The following RHEB variants were observed in gnomAD, a reference collection of about 807,000 sequenced individuals.
The protein encoded by RHEB is Ras homolog, mTORC1 binding, also known as GTP-binding protein Rheb.
A neutral mutation model predicts 28.8 loss-of-function variants in RHEB; 2 were observed. The ratio of observed to expected loss-of-function variants is 0.07; its 90% CI spans 0.03 to 0.22. The LOEUF is 0.22. Ranked by LOEUF, RHEB falls within the 10% of genes least tolerant of loss-of-function variation. The pLI, the probability that RHEB is intolerant of heterozygous loss-of-function variation, is 1.00. For synonymous variants in RHEB, 69 were observed against 77.3 expected (o/e 0.89, Z 0.56); for missense variants, 76 against 219.9 (o/e 0.35, Z 4.14).
At chr7:151,473,182 C>T (rs1802194752) in intron 4 of RHEB, among the ~76,000 whole-genome samples, 1 of 152,206 alleles carries the variant, frequency 6.6e-6, no homozygotes. Context: ...TTATAAAAGA[C>T]AGTGGCTTGT....
At chr7:151,469,438 T>C (rs1241700061) in intron 7 of RHEB, among the ~76,000 whole-genome samples, 1 of 152,284 alleles carries the variant, frequency 6.6e-6, no homozygotes, top group African/African-American at 2.4e-5. Context: ...AGGTGGGGCC[T>C]TGAGGACTAC....
intron 3 of RHEB, among the ~76,000 whole-genome samples, chr7:151,479,804 C>A (rs1422628440): frequency 6.6e-6 from 1 of 151,928 alleles, no homozygotes; most frequent in Non-Finnish European, 1.5e-5. Flanking sequence ...CTGTGCATCT[C>A]AGATCATATA....
chr7:151,498,361 T>C (rs1263168945), intron 1 of RHEB, among the ~76,000 whole-genome samples: 1 of 152,150 alleles, frequency 6.6e-6, no homozygotes. Flanking sequence ...GCTGTAATCC[T>C]AGCAATTTTG....
chr7:151,478,532 G>GA (rs1802314127), intron 3 of RHEB, among the ~76,000 whole-genome samples: 1 of 152,094 alleles, frequency 6.6e-6, no homozygotes, highest in East Asian at 1.9e-4. Context: ...TCCCTAAAGG[G>GA]AAACTGTGGA....
At chr7:151,474,686 T>C (rs546801147) in intron 4 of RHEB, among the ~76,000 whole-genome samples, 8 of 152,344 alleles carry the variant, frequency 5.3e-5, no homozygotes, top group Admixed American at 4.6e-4. Context: ...AAATAGGATG[T>C]ATTTTCGCTT....
intron 1 of RHEB, among the ~76,000 whole-genome samples, chr7:151,507,229 A>G (rs375390860): frequency 1.1e-4 from 16 of 152,244 alleles, no homozygotes; most frequent in African/African-American, 3.6e-4. Context: ...AAAGGTTTCT[A>G]TGTGTTCCTT....
intron 1 of RHEB, among the ~76,000 whole-genome samples, chr7:151,505,950 G>A (rs112892480): frequency 4.6e-5 from 7 of 152,312 alleles, no homozygotes; most frequent in South Asian, 2.1e-4. Context: ...AACCCAGAGT[G>A]ATGGAGAGCA....
At position 151,468,426 on chromosome 7, in the gene RHEB, G is replaced by A. The variant is rs959713421; in HGVS notation, c.463-1215C>T. Among the ~76,000 whole-genome samples the A allele has an allele frequency of 5.3e-5, 8 of 152,148 alleles. No homozygotes were observed. Among genetic ancestry groups the A allele is most frequent in the Non-Finnish European group, 8.8e-5 (6 of 68,028 alleles). ...TGCCCGCGGCCACACCGTAAACGCT[G>A]CCCAGGGAAAACACACACCGCTCAC... On this transcript the variant is annotated intron_variant, in intron 7 of 7. Transcript: ENST00000262187. This position sits in a 1 kb window ranked among gnomAD's most constrained non-coding sequence, Gnocchi z 4.3.
chr7:151,496,468 A>AT (rs913804546), intron 1 of RHEB, among the ~76,000 whole-genome samples: 204 of 148,408 alleles, frequency 1.4e-3, no homozygotes, highest in East Asian at 0.011. Flanking sequence ...GACCCATACT[A>AT]TTTTTTTTTT....
At chr7:151,480,748 AATC>A (rs1802369177) in intron 3 of RHEB, among the ~76,000 whole-genome samples, 1 of 151,346 alleles carries the variant, frequency 6.6e-6, no homozygotes, top group Non-Finnish European at 1.5e-5. Context: ...GCAATGGTGC[AATC>A]TTGGGTTACT....
At chr7:151,508,225 A>C (rs1802921916) in intron 1 of RHEB, among the ~76,000 whole-genome samples, 1 of 152,142 alleles carries the variant, frequency 6.6e-6, no homozygotes, top group Non-Finnish European at 1.5e-5. Flanking sequence ...AATGATCAAA[A>C]CTAGTAATAA....
chr7:151,519,827 C>CA lies in RHEB; in HGVS notation c.-317dup, dbSNP rs988254818. ...TCGGGGCGACGTTTTACTTTAAAGG[C>CA]AAAAAAAGGGGACGCCGCGATGCCC... On this transcript the variant is annotated 5_prime_UTR_variant, in exon 1 of 8. It removes the in-frame stop codon of an upstream open reading frame in the 5' UTR. Transcript: ENST00000262187. The CA allele has an allele frequency of 1.2e-5, 3 of 257,952 alleles. No homozygotes were observed. Among genetic ancestry groups the CA allele is most frequent in the Non-Finnish European group, 2.2e-5 (3 of 136,098 alleles). The allele number at this position is 257,952 out of a possible 1,614,324, so 16.0% of individuals were successfully genotyped here.
intron 1 of RHEB, among the ~76,000 whole-genome samples, chr7:151,505,658 C>T (rs1225417495): frequency 6.6e-6 from 1 of 152,110 alleles, no homozygotes; most frequent in Non-Finnish European, 1.5e-5. Context: ...TAGGTATTTA[C>T]CAAAGAGAAA....
chr7:151,486,607 C>T (rs1802480049), intron 2 of RHEB, among the ~76,000 whole-genome samples: 1 of 152,150 alleles, frequency 6.6e-6, no homozygotes, highest in Non-Finnish European at 1.5e-5. Flanking sequence ...GAAGGTCCTA[C>T]AGAACTTGGG....
intron 3 of RHEB, among the ~76,000 whole-genome samples, chr7:151,480,683 A>ATTTTTTTT: frequency 8.2e-6 from 1 of 122,256 alleles, no homozygotes. Context: ...ATTATTATTA[A>ATTTTTTTT]TTATTATTTT....
At chr7:151,481,470 C>T (rs1346539082) in intron 3 of RHEB, among the ~76,000 whole-genome samples, 1 of 152,190 alleles carries the variant, frequency 6.6e-6, no homozygotes, top group Admixed American at 6.5e-5. Context: ...TCATTTTACC[C>T]TACTACTACC....
At chr7:151,490,488 T>C (rs1161507161) in intron 2 of RHEB, among the ~76,000 whole-genome samples, 4 of 152,242 alleles carry the variant, frequency 2.6e-5, no homozygotes, top group Non-Finnish European at 5.9e-5. Context: ...AATAGTTCAT[T>C]TCTCTTTCAA....
rs1802074892 is a variant in RHEB, at chr7:151,467,000, A to C, written c.*119T>G. The C allele has an allele frequency of 2.8e-6, 2 of 712,004 alleles. No individual in the cohort carries two copies. Among genetic ancestry groups the C allele is most frequent in the Non-Finnish European group, 4.9e-6 (2 of 405,054 alleles). The allele number at this position is 712,004 out of a possible 1,614,324, so 44.1% of individuals were successfully genotyped here. A position where few individuals can be genotyped will look rare whatever the true frequency, so the allele number is the denominator to read the frequency against. On this transcript the variant is annotated 3_prime_UTR_variant, in exon 8 of 8. Transcript: ENST00000262187. ...TCTGAAGGGAGGGGAGCTCTGACCC[A>C]AATGATATCTTTCAGGTTAACAGAA...
intron 1 of RHEB, among the ~76,000 whole-genome samples, chr7:151,517,370 G>GAA (rs761761069): frequency 0.014 from 854 of 61,616 alleles, 15 homozygotes; most frequent in African/African-American, 0.028. Context: ...CTCCGTCTCG[G>GAA]AAAAAAAAAA....
Sources: allele counts gnomAD v4.1 joint callset (sites outside exome capture counted in the v4.1 genomes callset), GRCh38; gene constraint gnomAD v4.1.1; non-coding constraint Gnocchi (gnomAD v3.1); transcripts MANE v1.5; gene names NCBI Gene and HGNC (gene_info 2026-07-23, HGNC 2026-07-21).